The following SIPA1L1 variants were observed in gnomAD, a reference collection of about 807,000 sequenced individuals.
The protein encoded by SIPA1L1 is signal induced proliferation associated 1 like 1.
A neutral mutation model predicts 162.7 loss-of-function variants in SIPA1L1; 26 were observed. The observed-to-expected ratio is 0.16, with a 90% CI of 0.12 to 0.22. The LOEUF (loss-of-function observed/expected upper bound fraction) is 0.22, where lower values mean the gene tolerates loss of function less well. SIPA1L1 is among the 10% of genes least tolerant of loss of function. SIPA1L1 has a pLI of 1.00. For missense variants in SIPA1L1, 1,874 were observed against 2,241.0 expected, an observed-to-expected ratio of 0.84 and a Z score of 3.31; for synonymous variants, 829 against 837.4, an observed-to-expected ratio of 0.99 and a Z score of 0.17.
At chr14:71,341,638 A>G (rs991108478) in intron 2 of SIPA1L1, among the ~76,000 whole-genome samples, 1 of 152,020 alleles carries the variant, frequency 6.6e-6, no homozygotes, top group Non-Finnish European at 1.5e-5. Context: ...TTAGTTTTTC[A>G]ACTCATCCCT....
Position 71,692,947 on chromosome 14 carries a change from G to A in SIPA1L1, c.3375-6034G>A, listed in dbSNP as rs144575596. On this transcript the variant is annotated intron_variant, in intron 13 of 23. Transcript: ENST00000381232. The stretch of plus-strand genomic sequence containing the variant: ...CGCTACTGGGAGTGTGTGGCAGTGG[G>A]CAAGGTCCTGTCCTTCTGCACTTTA... Among the ~76,000 whole-genome samples the A allele has an allele frequency of 4.7e-3, 714 of 152,232 alleles. 4 individuals are homozygous for A. Among genetic ancestry groups the A allele is most frequent in the African/African-American group, 0.017 (695 of 41,536 alleles).
chr14:71,675,528 T>G, intron 12 of SIPA1L1, among the ~76,000 whole-genome samples: 1 of 152,252 alleles, frequency 6.6e-6, no homozygotes, highest in East Asian at 1.9e-4. Context: ...TAGAGATAAC[T>G]TCAAAGGGAA....
chr14:71,686,481 T>C (rs2080873856), intron 13 of SIPA1L1, among the ~76,000 whole-genome samples: 1 of 152,234 alleles, frequency 6.6e-6, no homozygotes, highest in African/African-American at 2.4e-5. Flanking sequence ...TCATGTACAC[T>C]AAAGCAGTTT....
At chr14:71,490,954 A>G (rs2049195120) in intron 2 of SIPA1L1, among the ~76,000 whole-genome samples, 2 of 152,184 alleles carry the variant, frequency 1.3e-5, no homozygotes, top group South Asian at 4.1e-4. Context: ...GATACTGGGA[A>G]GTTTGCTTAT....
intron 2 of SIPA1L1, among the ~76,000 whole-genome samples, chr14:71,464,826 T>C (rs572047457): frequency 1.1e-3 from 162 of 152,272 alleles, no homozygotes; most frequent in Non-Finnish European, 1.9e-3. Flanking sequence ...AACAGTTCTT[T>C]TCAAGTGTAG....
chr14:71,739,068 G>T lies in SIPA1L1; in HGVS notation c.5259G>T (p.Glu1753Asp). ...HLQAEVQHLR[E>D]DNLRLQEESQ... ...AGGCGGAGGTGCAGCACCTGCGAGAGGACAACCTGAGGCTACAGGAGGAGT... is the reference window on the plus strand; with the variant it reads ...AGGCGGAGGTGCAGCACCTGCGAGATGACAACCTGAGGCTACAGGAGGAGT... Residue 1753 changes from glutamate (E) to aspartate (D), a missense_variant, in exon 24 of 24, where the codon GAG becomes GAT. Glu to Asp is a conservative substitution (Grantham distance 45). Around this residue, in one of 5 missense-constraint regions of SIPA1L1, gnomAD observed 936 missense variants for 1,051.9 expected, o/e 0.89. Transcript: ENST00000381232. 1 of 1,614,104 alleles carries T rather than the reference G, an allele frequency of 6.2e-7. No individual in the cohort carries two copies.
intron 12 of SIPA1L1, among the ~76,000 whole-genome samples, chr14:71,684,869 C>A (rs2046145553): frequency 6.8e-6 from 1 of 147,174 alleles, no homozygotes; most frequent in African/African-American, 2.5e-5. Context: ...TGTACAATGG[C>A]AGGTGTGTGA....
Position 71,377,822 on chromosome 14 carries a change from A to G in SIPA1L1, c.-465+56641A>G, listed in dbSNP as rs1208363146. On this transcript the variant is annotated intron_variant, in intron 2 of 23. Coordinates refer to ENST00000381232, the MANE Select transcript of SIPA1L1 (RefSeq NM_001386936.1). The surrounding 1 kb of genome is among the most constrained non-coding windows in gnomAD (Gnocchi z 4.8). ...AAACCCCGTCTCCACCAAAAAATAC[A>G]AAAACCAGTCAGGCGTGGCGGCGCG... Among the ~76,000 whole-genome samples, 3 of 152,166 alleles carry G rather than the reference A, an allele frequency of 2.0e-5. No homozygotes were observed. The highest frequency in any genetic ancestry group is 6.5e-5 in the Admixed American group (1 of 15,288).
In SIPA1L1 at chr14:71,400,624, AATATATAC is replaced by A. The variant is rs200464447; in HGVS notation, c.-465+79459_-465+79466del. Among the ~76,000 whole-genome samples, 693 of 151,554 alleles carry A rather than the reference AATATATAC, an allele frequency of 4.6e-3. 3 individuals are homozygous for A. The highest frequency in any genetic ancestry group is 7.4e-3 in the Admixed American group (113 of 15,178). The stretch of plus-strand genomic sequence containing the variant: ...GAATGAGTGTTGTGTTAACCTGTAT[AATATATAC>A]ATATATACATATATATGTTAATATG... On this transcript the variant is annotated intron_variant, in intron 2 of 23. Transcript: ENST00000381232.
At chr14:71,640,376 T>A (rs1329633368) in intron 7 of SIPA1L1, among the ~76,000 whole-genome samples, 3 of 152,092 alleles carry the variant, frequency 2.0e-5, no homozygotes, top group Non-Finnish European at 4.4e-5. Flanking sequence ...AAAAAAAAAA[T>A]TTGAGAAATT....
intron 2 of SIPA1L1, among the ~76,000 whole-genome samples, chr14:71,380,260 A>G (rs1470328348): frequency 1.3e-5 from 2 of 152,262 alleles, no homozygotes; most frequent in Non-Finnish European, 2.9e-5. Context: ...TTTGATAATT[A>G]AATGGTTCTT....
intron 4 of SIPA1L1, among the ~76,000 whole-genome samples, chr14:71,548,122 G>A (rs1283530843): frequency 1.3e-5 from 2 of 152,156 alleles, no homozygotes; most frequent in Non-Finnish European, 2.9e-5. Flanking sequence ...GTTATGTGAG[G>A]CATTGTTTAG....
intron 2 of SIPA1L1, among the ~76,000 whole-genome samples, chr14:71,351,092 G>A (rs1465068905): frequency 1.3e-5 from 2 of 152,200 alleles, no homozygotes; most frequent in Non-Finnish European, 2.9e-5. Flanking sequence ...TTTAAAATAT[G>A]CCTTTATAAA....
chr14:71,500,205 G>C (rs1167117784), intron 2 of SIPA1L1, among the ~76,000 whole-genome samples: 2 of 152,116 alleles, frequency 1.3e-5, no homozygotes, highest in Non-Finnish European at 2.9e-5. Context: ...GCAAGTTACA[G>C]AGTGGGAGGA....
intron 2 of SIPA1L1, among the ~76,000 whole-genome samples, chr14:71,340,186 G>A (rs754597190): frequency 6.6e-6 from 1 of 152,096 alleles, no homozygotes; most frequent in Middle Eastern, 3.2e-3. Context: ...ATAGTTTTAA[G>A]CATGGTATAT....
At position 71,432,516 on chromosome 14, in the gene SIPA1L1, A is replaced by G. The variant is rs116934752; in HGVS notation, c.-464-80227A>G. On this transcript the variant is annotated intron_variant, in intron 2 of 23. Transcript: ENST00000381232. ...ATTTCTTTATGGCCAGTATTTACACAGAAAGGTGGAGGGAAAGTTATAGTA... is the reference window on the plus strand; with the variant it reads ...ATTTCTTTATGGCCAGTATTTACACGGAAAGGTGGAGGGAAAGTTATAGTA... Among the ~76,000 whole-genome samples, 68 of 152,320 alleles carry G rather than the reference A, an allele frequency of 4.5e-4. No individual in the cohort carries two copies. In the East Asian group the frequency reaches 0.013, roughly 29 times the overall value.
chr14:71,652,627 CT>C (rs59093389), intron 8 of SIPA1L1, among the ~76,000 whole-genome samples: 371 of 148,304 alleles, frequency 2.5e-3, no homozygotes, highest in African/African-American at 8.5e-3. Context: ...GGCCCTGGTT[CT>C]TTTTTTTTTC....
intron 2 of SIPA1L1, among the ~76,000 whole-genome samples, chr14:71,362,073 C>T (rs1015223222): frequency 6.6e-5 from 10 of 152,136 alleles, no homozygotes; most frequent in Admixed American, 2.0e-4. Flanking sequence ...GTTGGCGGCC[C>T]GTCATGGCAA....
chr14:71,396,926 G>A (rs1364533933), intron 2 of SIPA1L1, among the ~76,000 whole-genome samples: 1 of 152,140 alleles, frequency 6.6e-6, no homozygotes, highest in Non-Finnish European at 1.5e-5. Context: ...TGTTTCTTCT[G>A]TAGAATATCT....
Sources: allele counts gnomAD v4.1 joint callset (sites outside exome capture counted in the v4.1 genomes callset), GRCh38; gene constraint gnomAD v4.1.1; regional missense constraint gnomAD v4.1.1; non-coding constraint Gnocchi (gnomAD v3.1); transcripts MANE v1.5; gene names NCBI Gene and HGNC (gene_info 2026-07-23, HGNC 2026-07-21).